Variants in CSNK2A2 observed in about 807,000 individuals in gnomAD.
CSNK2A2 encodes the protein casein kinase 2 alpha 2, also known as casein kinase II subunit alpha'.
CSNK2A2 carries 8 observed loss-of-function variants against 54.0 expected under a neutral mutation model. The observed-to-expected ratio is 0.15, with a 90% CI of 0.09 to 0.27. The LOEUF (loss-of-function observed/expected upper bound fraction) is 0.27, where lower values mean the gene tolerates loss of function less well. Ranked by LOEUF, CSNK2A2 falls within the 10% of genes least tolerant of loss-of-function variation. The pLI, the probability that CSNK2A2 is intolerant of heterozygous loss-of-function variation, is 1.00. For synonymous variants in CSNK2A2, 141 were observed against 153.9 expected (o/e 0.92, Z 0.62); for missense variants, 242 against 439.4 (o/e 0.55, Z 4.02).
intron 3 of CSNK2A2, among the ~76,000 whole-genome samples, chr16:58,186,043 A>C (rs1305383464): frequency 6.6e-6 from 1 of 152,220 alleles, no homozygotes; most frequent in Non-Finnish European, 1.5e-5. Flanking sequence ...GATAACAGGG[A>C]AATATCTGAG....
chr16:58,182,550 G>A lies in CSNK2A2; in HGVS notation c.369+1710C>T, dbSNP rs539452894. On this transcript the variant is annotated intron_variant, in intron 4 of 11. Transcript: ENST00000262506. ...AGCCTAGGCGACAGAGCGAGGCTCC[G>A]TCTCAAAAAAAAAAAAAAAAAAACA... Among the ~76,000 whole-genome samples the A allele has an allele frequency of 7.0e-3, 815 of 117,108 alleles. 1 individual carries two copies. Among genetic ancestry groups the A allele is most frequent in the Non-Finnish European group, 0.01 (632 of 60,568 alleles). 76.8% of individuals were successfully genotyped at this position (117,108 alleles called of 152,430 possible).
intron 9 of CSNK2A2, among the ~76,000 whole-genome samples, 175 bp downstream of exon 9, chr16:58,166,409 A>AT (rs1345041708): frequency 6.6e-6 from 1 of 152,244 alleles, no homozygotes; most frequent in Admixed American, 6.5e-5. Flanking sequence ...AAGTAAAATG[A>AT]TTAAAAGACA....
At chr16:58,194,268 C>G (rs895710406) in intron 2 of CSNK2A2, among the ~76,000 whole-genome samples, 4 of 152,176 alleles carry the variant, frequency 2.6e-5, no homozygotes, top group Non-Finnish European at 4.4e-5. Flanking sequence ...TGACCAAGCA[C>G]CACAATAGTA....
At chr16:58,167,438 T>G (rs1961599523) in intron 7 of CSNK2A2, 130 bp from the exon 8 acceptor site, 1 of 630,410 alleles carries the variant, frequency 1.6e-6, no homozygotes, top group Non-Finnish European at 2.6e-6. Flanking sequence ...TAAAAAAAAT[T>G]TTTTTTAACT....
chr16:58,184,028 C>A (rs11859621), intron 4 of CSNK2A2, among the ~76,000 whole-genome samples: 1,825 of 152,278 alleles, frequency 0.012, 46 homozygotes, highest in African/African-American at 0.042. Context: ...TTAGACCCAG[C>A]CGAGCAGCTA....
intron 8 of CSNK2A2, 150 bp from the exon 9 acceptor site, chr16:58,166,834 C>T: frequency 1.6e-6 from 1 of 613,830 alleles, no homozygotes; most frequent in South Asian, 2.0e-5. Flanking sequence ...CAGACAGACC[C>T]AAGGACAAGA....
chr16:58,192,331 T>TGA (rs1962337799), intron 2 of CSNK2A2, among the ~76,000 whole-genome samples: 1 of 152,148 alleles, frequency 6.6e-6, no homozygotes, highest in Non-Finnish European at 1.5e-5. Context: ...AAGATATTCT[T>TGA]TTCACATGTG....
rs1189384771 is a variant in CSNK2A2, at chr16:58,158,287, A to G, written c.*84T>C. ...TCTGCTCACGGAACGTGATCTCTCTATACGCGTTAAGACGTTTGATTTGGT... is the reference window on the plus strand; with the variant it reads ...TCTGCTCACGGAACGTGATCTCTCTGTACGCGTTAAGACGTTTGATTTGGT... On this transcript the variant is annotated 3_prime_UTR_variant, in exon 12 of 12. Coordinates refer to ENST00000262506, the MANE Select transcript of CSNK2A2 (RefSeq NM_001896.4). The G allele has an allele frequency of 6.6e-6, 1 of 152,642 alleles. No individual in the cohort carries two copies. Among genetic ancestry groups the G allele is most frequent in the South Asian group, 2.1e-4 (1 of 4,830 alleles). The allele number at this position is 152,642 out of a possible 1,614,324, so 9.5% of individuals were successfully genotyped here.
At chr16:58,166,467 A>G (rs1961565941) in intron 9 of CSNK2A2, 117 bp downstream of exon 9, 1 of 616,944 alleles carries the variant, frequency 1.6e-6, no homozygotes, top group South Asian at 2.4e-5. Context: ...GCATAGGAAA[A>G]AAGAGGGCTA....
intron 2 of CSNK2A2, 71 bp downstream of exon 2, chr16:58,196,662 T>C: frequency 1.1e-6 from 1 of 905,816 alleles, no homozygotes; most frequent in East Asian, 2.4e-5. Flanking sequence ...TTATAGAATG[T>C]GACTGGGGTA....
At chr16:58,196,554 G>A (rs1962455771) in intron 2 of CSNK2A2, among the ~76,000 whole-genome samples, 179 bp downstream of exon 2, 2 of 152,138 alleles carry the variant, frequency 1.3e-5, no homozygotes, top group South Asian at 4.2e-4. Flanking sequence ...GGAGTTGAAG[G>A]CTGCAGTGAA....
At chr16:58,171,975 ATATATTTTTT>A (rs1205842737) in intron 5 of CSNK2A2, among the ~76,000 whole-genome samples, 6 of 36,166 alleles carry the variant, frequency 1.7e-4, no homozygotes, top group African/African-American at 7.9e-4. Flanking sequence ...ATATATATAT[ATATATTTTTT>A]TTTTTTTTTT....
intron 4 of CSNK2A2, among the ~76,000 whole-genome samples, chr16:58,183,825 T>C (rs1962124754): frequency 6.6e-6 from 1 of 152,206 alleles, no homozygotes; most frequent in East Asian, 1.9e-4. Flanking sequence ...ATCATTTCTT[T>C]GTACGTCACG....
At chr16:58,162,447 G>A (rs1172391003) in intron 11 of CSNK2A2, 2 of 152,118 alleles carry the variant, frequency 1.3e-5, no homozygotes, top group Non-Finnish European at 2.9e-5. Flanking sequence ...TATAATAAGA[G>A]AAGAGTTTCA....
chr16:58,196,872 G>A (rs1962467232), intron 1 of CSNK2A2, 28 bp from the exon 2 acceptor site: 1 of 1,435,192 alleles, frequency 7.0e-7, no homozygotes, highest in Non-Finnish European at 9.8e-7. Context: ...ACACATAAAT[G>A]CCAGGACTGG....
intron 2 of CSNK2A2, 134 bp downstream of exon 2, chr16:58,196,599 A>T (rs930932365): frequency 3.0e-6 from 2 of 677,488 alleles, no homozygotes; most frequent in African/African-American, 1.8e-5. Flanking sequence ...TGACAGAGTG[A>T]GACTCTGACT....
intron 4 of CSNK2A2, among the ~76,000 whole-genome samples, 168 bp from the exon 5 acceptor site, chr16:58,174,678 A>T (rs1961830363): frequency 6.6e-6 from 1 of 152,190 alleles, no homozygotes; most frequent in African/African-American, 2.4e-5. Flanking sequence ...TGAAGGTTTT[A>T]TATTTTAATC....
At chr16:58,178,799 G>GCCATA (rs779280138) in intron 4 of CSNK2A2, among the ~76,000 whole-genome samples, 5 of 152,078 alleles carry the variant, frequency 3.3e-5, no homozygotes, top group Non-Finnish European at 5.9e-5. Flanking sequence ...AAATTAGTAG[G>GCCATA]CCATAATTCT....
chr16:58,197,562 T>C lies in CSNK2A2; in HGVS notation c.104+71A>G. 2 of 1,059,886 alleles carry C rather than the reference T, an allele frequency of 1.9e-6. No individual in the cohort carries two copies. The highest frequency in any genetic ancestry group is 2.5e-5 in the Admixed American group (1 of 40,706). 65.7% of individuals were successfully genotyped at this position (1,059,886 alleles called of 1,614,324 possible). On this transcript the variant is annotated intron_variant, in intron 1 of 11. Transcript: ENST00000262506. This position sits in a 1 kb window ranked among gnomAD's most constrained non-coding sequence, Gnocchi z 4.0. ...GGCGGGAGACACCACCGGGCCCGAG[T>C]GCGGTTCGCAGGGGGTGGCCGGGCG...
Sources: gnomAD v4.1 joint callset for allele counts (sites outside exome capture counted in the v4.1 genomes callset) on GRCh38, gnomAD v4.1.1 for gene constraint, Gnocchi (gnomAD v3.1) non-coding constraint, MANE v1.5 for transcripts, NCBI Gene and HGNC (gene_info 2026-07-23, HGNC 2026-07-21) for gene names.